Variants in ZNF808 observed in about 807,000 individuals in gnomAD.
ZNF808 encodes the protein zinc finger protein 808.
A neutral mutation model predicts 8.7 loss-of-function variants in ZNF808; 5 were observed. The observed-to-expected ratio is 0.58, with a 90% CI of 0.30 to 1.21. The LOEUF (loss-of-function observed/expected upper bound fraction) is 1.21. Ranked by LOEUF, ZNF808 falls within the 50% of genes most tolerant of loss-of-function variation. The pLI is 0.07. For synonymous variants in ZNF808, 380 were observed against 366.0 expected, an observed-to-expected ratio of 1.04 and a Z score of -0.44; for missense variants, 1,103 against 1,098.4, an observed-to-expected ratio of 1.00 and a Z score of -0.06.
chr19:52,552,051 T>C (rs1404285404), intron 4 of ZNF808, among the ~76,000 whole-genome samples: 1 of 133,868 alleles, frequency 7.5e-6, no homozygotes, highest in African/African-American at 2.7e-5. Context: ...GGAGTCTCAC[T>C]CTGTCGCCCA....
At chr19:52,567,673 T>C (rs2059876288), downstream of ZNF808, among the ~76,000 whole-genome samples, 1 of 151,570 alleles carries the variant, frequency 6.6e-6, no homozygotes, top group Non-Finnish European at 1.5e-5. Context: ...TACAGGCTCA[T>C]GCCACCACTC....
chr19:52,540,261 C>T lies in ZNF808; in HGVS notation c.-19-3005C>T, dbSNP rs8110216. On this transcript the variant is annotated intron_variant, in intron 2 of 4. Transcript: ENST00000359798. The stretch of plus-strand genomic sequence containing the variant: ...CCCTAACATTGTGGTCTTCCTGCCC[C>T]GGCCTCCCAAAGTGCTGGGATTATA... Among the ~76,000 whole-genome samples, 768 of 152,176 alleles carry T rather than the reference C, an allele frequency of 5.0e-3. 5 individuals carry two copies. Among genetic ancestry groups the T allele is most frequent in the African/African-American group, 0.018 (737 of 41,494 alleles).
intron 2 of ZNF808, among the ~76,000 whole-genome samples, chr19:52,537,188 A>AG (rs1299613269): frequency 6.6e-6 from 1 of 151,698 alleles, no homozygotes; most frequent in African/African-American, 2.4e-5. Context: ...CTCTTTCTCA[A>AG]AAAAAAAGCG....
chr19:52,558,265 G>C (rs1027381467), downstream of ZNF808, among the ~76,000 whole-genome samples: 7 of 150,486 alleles, frequency 4.7e-5, no homozygotes, highest in South Asian at 1.3e-3. Context: ...TAGTAGAGGC[G>C]GGGTTTCACC....
chr19:52,543,077 C>G (rs2059687712), intron 2 of ZNF808, among the ~76,000 whole-genome samples, 189 bp from the exon 3 acceptor site: 1 of 151,994 alleles, frequency 6.6e-6, no homozygotes, highest in Non-Finnish European at 1.5e-5. Context: ...GGAGTGAGAT[C>G]TGAAGACCGG....
downstream of ZNF808, among the ~76,000 whole-genome samples, chr19:52,565,294 AT>A (rs2059870469): frequency 6.6e-6 from 1 of 152,118 alleles, no homozygotes. Context: ...ATAAAAAACA[AT>A]ATCAGTGTGT....
chr19:52,548,856 G>T (rs1302699731), intron 4 of ZNF808, among the ~76,000 whole-genome samples: 1 of 152,030 alleles, frequency 6.6e-6, no homozygotes, highest in African/African-American at 2.4e-5. Flanking sequence ...GGTGGCTCAC[G>T]CCTGTAATCC....
At chr19:52,528,754 G>A (rs1302757705) in intron 1 of ZNF808, among the ~76,000 whole-genome samples, 1 of 152,028 alleles carries the variant, frequency 6.6e-6, no homozygotes, top group African/African-American at 2.4e-5. Flanking sequence ...GACACAGAGT[G>A]GGGACAGGGG....
In ZNF808 at chr19:52,530,588, G is replaced by A. The variant is rs146713609; in HGVS notation, c.-121-2320G>A. 4.8e-3 allele frequency among the ~76,000 whole-genome samples: 728 copies of A among 151,960 alleles called. 5 individuals are homozygous for A. Among genetic ancestry groups the A allele is most frequent in the African/African-American group, 0.017 (691 of 41,490 alleles). On this transcript the variant is annotated intron_variant, in intron 1 of 4. Coordinates refer to ENST00000359798, the MANE Select transcript of ZNF808 (RefSeq NM_001039886.4). ...TGAGGCAGGAGAATTACTTGAACCCGGGAAGCAGAGGTTGCAGTGAGCCGA... is the reference window on the plus strand; with the variant it reads ...TGAGGCAGGAGAATTACTTGAACCCAGGAAGCAGAGGTTGCAGTGAGCCGA...
intron 3 of ZNF808, among the ~76,000 whole-genome samples, chr19:52,562,265 C>A (rs1205267513): frequency 3.3e-5 from 5 of 152,168 alleles, no homozygotes; most frequent in Non-Finnish European, 7.3e-5. Flanking sequence ...GAAATCTCAG[C>A]TGCATGGGAG....
At chr19:52,565,533 C>T (rs1462659022), downstream of ZNF808, among the ~76,000 whole-genome samples, 1 of 152,166 alleles carries the variant, frequency 6.6e-6, no homozygotes, top group Non-Finnish European at 1.5e-5. Context: ...GCAATGTAAA[C>T]TGAGAGCTTA....
At chr19:52,559,751 G>T (rs747054497), downstream of ZNF808, among the ~76,000 whole-genome samples, 1 of 151,788 alleles carries the variant, frequency 6.6e-6, no homozygotes, top group Non-Finnish European at 1.5e-5. Flanking sequence ...TTTTTGAGTT[G>T]AGTCTCCCTC....
downstream of ZNF808, among the ~76,000 whole-genome samples, chr19:52,558,017 C>CTTTTTTTTTTTT (rs66789100): frequency 5.4e-4 from 25 of 46,364 alleles, 3 homozygotes; most frequent in African/African-American, 1.7e-3. Flanking sequence ...CTAGGTGTGG[C>CTTTTTTTTTTTT]TTTTTTTTTT....
intron 1 of ZNF808, among the ~76,000 whole-genome samples, chr19:52,529,179 C>G (rs1199863524): frequency 6.7e-6 from 1 of 150,142 alleles, no homozygotes; most frequent in Non-Finnish European, 1.5e-5. Context: ...AGTTCGAGAC[C>G]AGCCTGGGCA....
rs187490914 is a variant in ZNF808, at chr19:52,541,400, G to T, written c.-19-1866G>T. Among the ~76,000 whole-genome samples, 110 of 152,178 alleles carry T rather than the reference G, an allele frequency of 7.2e-4. 2 individuals are homozygous for T. In the East Asian group the frequency reaches 0.014, roughly 19 times the overall value. On this transcript the variant is annotated intron_variant, in intron 2 of 4. Transcript: ENST00000359798. Reference sequence around the variant, plus strand: ...GTCTGGAAATTTTCTAGAGGAGGAAGACCAAGGCAGCCTATTGGCCCTTTC... The same window carrying T: ...GTCTGGAAATTTTCTAGAGGAGGAATACCAAGGCAGCCTATTGGCCCTTTC...
downstream of ZNF808, among the ~76,000 whole-genome samples, chr19:52,567,486 TTTATTATTATTATTATTATTA>T (rs199989177): frequency 1.1e-4 from 4 of 37,200 alleles, no homozygotes; most frequent in Non-Finnish European, 2.6e-4. Flanking sequence ...AGCTGTATTT[TTTATTATTATTATTATTATTA>T]TTATTATTAT....
At chr19:52,549,762 T>G (rs1032470179) in intron 4 of ZNF808, among the ~76,000 whole-genome samples, 3 of 152,176 alleles carry the variant, frequency 2.0e-5, no homozygotes, top group Admixed American at 6.5e-5. Flanking sequence ...AAATACTGTT[T>G]CTTTCCAGCC....
chr19:52,550,256 GT>G lies in ZNF808; in HGVS notation c.190+2622del, dbSNP rs371277355. 8.6e-3 allele frequency among the ~76,000 whole-genome samples: 1,308 copies of G among 151,282 alleles called. 14 individuals carry two copies. The highest frequency in any genetic ancestry group is 0.03 in the African/African-American group (1,240 of 41,194). On this transcript the variant is annotated intron_variant, in intron 4 of 4. Coordinates refer to ENST00000359798, the MANE Select transcript of ZNF808 (RefSeq NM_001039886.4). ...TTTTTTTTTTTGTTTTTGAGATGGA[GT>G]TTTGCTCCCGTTGCCCAGGCTGAAG...
chr19:52,555,376 G>C lies in ZNF808; in HGVS notation c.2460G>C (p.Lys820Asn). 6.2e-7 allele frequency: 1 copy of C among 1,614,152 alleles called. No homozygotes were observed. The highest frequency in any genetic ancestry group is 8.5e-7 in the Non-Finnish European group (1 of 1,180,014). Reference sequence around the variant, plus strand: ...TTCACACTGCAGAGAAACCTTACAAGTGTAATGAATGTGGAAAGGCTTTTA... The same window carrying C: ...TTCACACTGCAGAGAAACCTTACAACTGTAATGAATGTGGAAAGGCTTTTA... Reference protein sequence around the residue: ...IRIHTAEKPYKCNECGKAFNE... With the variant: ...IRIHTAEKPYNCNECGKAFNE... The change falls in exon 5 of 5, where the codon AAG (lysine) becomes AAC (asparagine). Residue 820 changes from lysine (K) to asparagine (N), a missense_variant. Lys to Asn is a moderately conservative substitution (Grantham distance 94). Transcript: ENST00000359798.
Sources: allele counts gnomAD v4.1 joint callset (sites outside exome capture counted in the v4.1 genomes callset), GRCh38; gene constraint gnomAD v4.1.1; transcripts MANE v1.5; gene names NCBI Gene and HGNC (gene_info 2026-07-23, HGNC 2026-07-21).